The following ERGIC1 variants were observed in gnomAD, a reference collection of about 807,000 sequenced individuals.
The protein encoded by ERGIC1 is endoplasmic reticulum-Golgi intermediate compartment protein 1.
In ERGIC1, 19 loss-of-function variants were observed where a neutral mutation model predicts 38.3. That is an observed-to-expected ratio of 0.50 (90% CI 0.35 to 0.73). ERGIC1 has a LOEUF of 0.73. ERGIC1 is among the 30% of genes least tolerant of loss of function. ERGIC1 has a pLI of 0.01. For missense variants in ERGIC1, 294 were observed against 389.2 expected (o/e 0.76, Z 2.06); for synonymous variants, 124 against 157.6 (o/e 0.79, Z 1.60).
At chr5:172,939,652 G>A (rs1007952143) in intron 9 of ERGIC1, among the ~76,000 whole-genome samples, 9 of 152,256 alleles carry the variant, frequency 5.9e-5, no homozygotes, top group African/African-American at 1.9e-4. Context: ...CCCTGGGCTT[G>A]TGGGCCACAC....
chr5:172,859,951 A>G (rs1245975093), intron 1 of ERGIC1, among the ~76,000 whole-genome samples: 1 of 152,212 alleles, frequency 6.6e-6, no homozygotes, highest in Non-Finnish European at 1.5e-5. Context: ...TGCTTTGCCT[A>G]CAGGCCTTTT....
intron 2 of ERGIC1, among the ~76,000 whole-genome samples, chr5:172,892,030 C>CT (rs1762572359): frequency 6.8e-6 from 1 of 147,564 alleles, no homozygotes; most frequent in African/African-American, 2.5e-5. Flanking sequence ...AGGTAACTTC[C>CT]CTAGAAGAGG....
chr5:172,915,075 G>C (rs753910364), intron 5 of ERGIC1: 14 of 722,970 alleles, frequency 1.9e-5, no homozygotes, highest in Non-Finnish European at 3.3e-5. Flanking sequence ...CTTCTCTCCA[G>C]TGAGGGGGAC....
At chr5:172,940,767 G>C (rs1359850962) in intron 9 of ERGIC1, among the ~76,000 whole-genome samples, 3 of 152,230 alleles carry the variant, frequency 2.0e-5, no homozygotes, top group Non-Finnish European at 2.9e-5. Context: ...AGGGAGAGTT[G>C]CTACAGGGAG....
At chr5:172,836,606 A>G (rs1163600134) in intron 1 of ERGIC1, among the ~76,000 whole-genome samples, 2 of 152,174 alleles carry the variant, frequency 1.3e-5, no homozygotes, top group African/African-American at 2.4e-5. Context: ...GACCATCCCC[A>G]TGCACCTTCC....
rs935387352 is a variant in ERGIC1, at chr5:172,926,805, C to T, written c.541+236C>T. The T allele has an allele frequency of 1.5e-4, 87 of 561,636 alleles. No homozygotes were observed. The highest frequency in any genetic ancestry group is 1.1e-4 in the Non-Finnish European group (35 of 312,088). 34.8% of individuals were successfully genotyped at this position (561,636 alleles called of 1,614,324 possible). On this transcript the variant is annotated intron_variant, in intron 7 of 9. Coordinates refer to ENST00000393784, the MANE Select transcript of ERGIC1 (RefSeq NM_001031711.3). The surrounding 1 kb of genome is among the most constrained non-coding windows in gnomAD (Gnocchi z 5.2). ...TCCCGGGGCACAGCAGACGCACGCACGCAGTGGATACCAGCTATTACCATT... is the reference window on the plus strand; with the variant it reads ...TCCCGGGGCACAGCAGACGCACGCATGCAGTGGATACCAGCTATTACCATT...
chr5:172,922,230 A>C (rs1350337395), intron 5 of ERGIC1: 2 of 152,274 alleles, frequency 1.3e-5, no homozygotes, highest in East Asian at 3.8e-4. Flanking sequence ...GACCTTAGCA[A>C]GTTTCTTCAC....
At chr5:172,902,139 T>C (rs899323450) in intron 3 of ERGIC1, among the ~76,000 whole-genome samples, 3 of 151,960 alleles carry the variant, frequency 2.0e-5, no homozygotes, top group Non-Finnish European at 4.4e-5. Flanking sequence ...CCCAGGCTCA[T>C]GGGAGCCACT....
intron 1 of ERGIC1, among the ~76,000 whole-genome samples, chr5:172,836,839 G>A (rs995616777): frequency 1.3e-5 from 2 of 152,182 alleles, no homozygotes; most frequent in Admixed American, 6.5e-5. Context: ...TGCAGACATC[G>A]ATTCCCTTGT....
At chr5:172,931,845 C>G (rs1317067917) in intron 7 of ERGIC1, among the ~76,000 whole-genome samples, 2 of 148,660 alleles carry the variant, frequency 1.3e-5, no homozygotes, top group African/African-American at 5.0e-5. Flanking sequence ...ATAGCTGCTC[C>G]TAGCACCCAC....
chr5:172,895,472 A>AT (rs1453097953), intron 2 of ERGIC1, among the ~76,000 whole-genome samples: 16 of 142,112 alleles, frequency 1.1e-4, no homozygotes, highest in South Asian at 4.6e-4. Flanking sequence ...TTCAGCCCTC[A>AT]TTTTGTATCC....
intron 9 of ERGIC1, among the ~76,000 whole-genome samples, chr5:172,949,749 C>T (rs1581594720): frequency 6.6e-6 from 1 of 152,144 alleles, no homozygotes; most frequent in Non-Finnish European, 1.5e-5. Context: ...TTCTCTGGCC[C>T]CAAATGTCAA....
chr5:172,838,012 A>G (rs952630600), intron 1 of ERGIC1, among the ~76,000 whole-genome samples: 5 of 151,936 alleles, frequency 3.3e-5, no homozygotes, highest in African/African-American at 1.2e-4. Context: ...CCACAGTGAC[A>G]GCCCCCATGT....
chr5:172,890,700 G>A (rs1318350566), intron 2 of ERGIC1, among the ~76,000 whole-genome samples: 5 of 152,158 alleles, frequency 3.3e-5, no homozygotes, highest in African/African-American at 7.2e-5. Context: ...ATGGAGCCAC[G>A]ACTCATACTC....
At chr5:172,903,860 T>A (rs544003703) in intron 3 of ERGIC1, among the ~76,000 whole-genome samples, 1 of 151,990 alleles carries the variant, frequency 6.6e-6, no homozygotes, top group African/African-American at 2.4e-5. Flanking sequence ...TGAACCCTGG[T>A]AGCCTAGGCT....
At chr5:172,914,523 C>G in intron 4 of ERGIC1, 191 bp from the exon 5 acceptor site, 1 of 898,724 alleles carries the variant, frequency 1.1e-6, no homozygotes, top group Non-Finnish European at 1.7e-6. Flanking sequence ...CACTGCCCCC[C>G]TCGCCTCACG....
At chr5:172,885,545 G>A (rs1013024391) in intron 1 of ERGIC1, among the ~76,000 whole-genome samples, 3 of 152,136 alleles carry the variant, frequency 2.0e-5, no homozygotes, top group African/African-American at 2.4e-5. Context: ...CCCAGGACAC[G>A]GCTGTCATGC....
intron 1 of ERGIC1, among the ~76,000 whole-genome samples, chr5:172,873,341 C>G (rs1008970885): frequency 6.6e-6 from 1 of 152,246 alleles, no homozygotes; most frequent in Non-Finnish European, 1.5e-5. Flanking sequence ...GCCTGACTCC[C>G]GGCCAAGCCC....
chr5:172,951,795 G>A lies in ERGIC1; in HGVS notation c.*979G>A, dbSNP rs574963784. The A allele has an allele frequency of 2.0e-5, 3 of 152,340 alleles. No homozygotes were observed. Among genetic ancestry groups the A allele is most frequent in the Non-Finnish European group, 1.5e-5 (1 of 68,152 alleles). The allele number at this position is 152,340 out of a possible 1,614,324, so 9.4% of individuals were successfully genotyped here. On this transcript the variant is annotated 3_prime_UTR_variant, in exon 10 of 10. Transcript: ENST00000393784. ...AAAATAATCATGCAGCCTCTCAGAC[G>A]GACGCCATCGGTCCCAAGGCCTTAG...
Sources: allele counts gnomAD v4.1 joint callset (sites outside exome capture counted in the v4.1 genomes callset), GRCh38; gene constraint gnomAD v4.1.1; non-coding constraint Gnocchi (gnomAD v3.1); transcripts MANE v1.5; gene names NCBI Gene and HGNC (gene_info 2026-07-23, HGNC 2026-07-21).